ASAP1: variants seen among roughly 807,000 people sequenced by gnomAD.
The protein encoded by ASAP1 is arf-GAP with SH3 domain, ANK repeat and PH domain-containing protein 1.
ASAP1 carries 43 observed loss-of-function variants against 145.2 expected under a neutral mutation model. The ratio of observed to expected loss-of-function variants is 0.30; its 90% CI spans 0.23 to 0.38. The LOEUF (loss-of-function observed/expected upper bound fraction) is 0.38. Ranked by LOEUF, ASAP1 falls within the 10% of genes least tolerant of loss-of-function variation. The pLI, the probability that ASAP1 is intolerant of heterozygous loss-of-function variation, is 1.00. For synonymous variants in ASAP1, 546 were observed against 515.5 expected (o/e 1.06, Z -0.80); for missense variants, 1,018 against 1,355.3 (o/e 0.75, Z 3.91).
In ASAP1 at chr8:130,101,732, ATTTT is replaced by A. The variant is rs59778799; in HGVS notation, c.2402-9593_2402-9590del. The stretch of plus-strand genomic sequence containing the variant: ...AGGCATGTGCTACCACACCTGGTTA[ATTTT>A]TTTTTTTTTTTTTTTTGCAGAGATA... On this transcript the variant is annotated intron_variant, in intron 24 of 29. Transcript: ENST00000518721. 1.1e-3 allele frequency among the ~76,000 whole-genome samples: 94 copies of A among 86,922 alleles called. 1 individual carries two copies. Among genetic ancestry groups the A allele is most frequent in the Middle Eastern group, 0.014 (2 of 148 alleles). The allele number at this position is 86,922 out of a possible 152,430, so 57.0% of individuals were successfully genotyped here.
intron 3 of ASAP1, among the ~76,000 whole-genome samples, chr8:130,333,819 C>T (rs1824855571): frequency 1.3e-5 from 2 of 152,168 alleles, no homozygotes; most frequent in East Asian, 1.9e-4. Flanking sequence ...TATTATGTGA[C>T]AAGCAGCATG....
At chr8:130,249,778 C>T (rs190280825) in intron 3 of ASAP1, among the ~76,000 whole-genome samples, 7 of 152,138 alleles carry the variant, frequency 4.6e-5, no homozygotes. Context: ...TGGCCCTGCA[C>T]CCCAGGGTGT....
chr8:130,158,412 G>A (rs1472419480), intron 12 of ASAP1, among the ~76,000 whole-genome samples: 1 of 152,040 alleles, frequency 6.6e-6, no homozygotes, highest in Non-Finnish European at 1.5e-5. Context: ...CTACTCAGGA[G>A]GCTGAGGTGG....
rs74945279 is a variant in ASAP1 at position 130,361,086 on chromosome 8, T to C, written c.60-2943A>G. On this transcript the variant is annotated intron_variant, in intron 2 of 29. Coordinates refer to ENST00000518721, the MANE Select transcript of ASAP1 (RefSeq NM_018482.4). ...GACTTGGATTCTTGCATTTATTTTG[T>C]TCTCCCATCTATTCCAGGTAGTCGT... 7.0e-3 allele frequency: 1,091 copies of C among 155,058 alleles called. 3 individuals are homozygous for C. Among genetic ancestry groups the C allele is most frequent in the South Asian group, 0.029 (145 of 5,074 alleles). The allele number at this position is 155,058 out of a possible 1,614,324, so 9.6% of individuals were successfully genotyped here.
intron 3 of ASAP1, among the ~76,000 whole-genome samples, chr8:130,252,182 T>G (rs1819237073): frequency 6.6e-6 from 1 of 152,116 alleles, no homozygotes; most frequent in Non-Finnish European, 1.5e-5. Context: ...TGGAACAAAT[T>G]AGAATGGACA....
intron 3 of ASAP1, among the ~76,000 whole-genome samples, chr8:130,258,098 C>T (rs952175771): frequency 6.6e-6 from 1 of 152,368 alleles, no homozygotes; most frequent in African/African-American, 2.4e-5. Flanking sequence ...CCAGCAACAA[C>T]AGTCAGTGGG....
intron 3 of ASAP1, among the ~76,000 whole-genome samples, chr8:130,323,555 G>C (rs185232774): frequency 1.3e-5 from 2 of 152,156 alleles, no homozygotes; most frequent in Non-Finnish European, 2.9e-5. Flanking sequence ...ATCTGCAGAA[G>C]AGCTGAAAGT....
At chr8:130,400,739 C>A (rs1162973737) in intron 2 of ASAP1, among the ~76,000 whole-genome samples, 1 of 146,188 alleles carries the variant, frequency 6.8e-6, no homozygotes, top group Non-Finnish European at 1.5e-5. Context: ...TGCAGTGAGC[C>A]GAGATAGCGC....
intron 26 of ASAP1, 84 bp from the exon 27 acceptor site, chr8:130,076,490 G>A: frequency 9.7e-7 from 1 of 1,027,370 alleles, no homozygotes. Flanking sequence ...TCAAATCAAA[G>A]GTATTTACAT....
At chr8:130,434,563 C>T (rs1480214171) in intron 1 of ASAP1, among the ~76,000 whole-genome samples, 7 of 152,128 alleles carry the variant, frequency 4.6e-5, no homozygotes, top group Non-Finnish European at 5.9e-5. Flanking sequence ...ATTCCAAGTC[C>T]AGTGGTTTTC....
chr8:130,356,079 TA>T (rs201992671), intron 3 of ASAP1, among the ~76,000 whole-genome samples: 8 of 148,456 alleles, frequency 5.4e-5, no homozygotes, highest in South Asian at 2.1e-4. Context: ...GTATTTCTCA[TA>T]AAAAAAAATA....
chr8:130,217,379 T>C (rs542960438), intron 4 of ASAP1, among the ~76,000 whole-genome samples: 1 of 152,266 alleles, frequency 6.6e-6, no homozygotes, highest in East Asian at 1.9e-4. Context: ...CTTCCTTTAG[T>C]TGGAAACAAT....
At chr8:130,122,214 G>C (rs2097567392) in intron 18 of ASAP1, among the ~76,000 whole-genome samples, 1 of 152,118 alleles carries the variant, frequency 6.6e-6, no homozygotes, top group Admixed American at 6.5e-5. Context: ...ATGTGTAATT[G>C]TATGACTGAC....
intron 12 of ASAP1, among the ~76,000 whole-genome samples, chr8:130,155,168 T>A (rs1239945200): frequency 6.6e-6 from 1 of 152,180 alleles, no homozygotes; most frequent in East Asian, 1.9e-4. Flanking sequence ...TAGTTTTACT[T>A]ACACATGTAT....
At chr8:130,256,189 G>A (rs754635478) in intron 3 of ASAP1, among the ~76,000 whole-genome samples, 4 of 152,120 alleles carry the variant, frequency 2.6e-5, no homozygotes, top group Non-Finnish European at 5.9e-5. Context: ...AAATCTTCCT[G>A]TTCGCAAGAG....
intron 5 of ASAP1, among the ~76,000 whole-genome samples, chr8:130,198,300 T>G (rs1486694839): frequency 6.6e-6 from 1 of 152,098 alleles, no homozygotes. Context: ...GATTTTTGTA[T>G]TTTTAGTAGA....
rs1232467383 is a variant in ASAP1, at chr8:130,443,609, G to A, written c.-177C>T. The A allele has an allele frequency of 1.3e-5, 2 of 151,270 alleles. No individual in the cohort carries two copies. The highest frequency in any genetic ancestry group is 3.0e-5 in the Non-Finnish European group (2 of 67,792). The allele number at this position is 151,270 out of a possible 1,614,324, so 9.4% of individuals were successfully genotyped here. On this transcript the variant is annotated 5_prime_UTR_variant, in exon 1 of 30. Transcript: ENST00000518721. ...TGCCCAGCGCACAGTGCTCGCCCGC[G>A]GCAGCGGCCAGGCCAGGCGAGGCGC...
At position 130,167,737 on chromosome 8, in the gene ASAP1, A is replaced by G. The variant is rs909225906; in HGVS notation, c.823-115T>C. The G allele has an allele frequency of 2.9e-5, 21 of 720,230 alleles. No individual in the cohort carries two copies. The African/African-American group carries it at 3.6e-4, about 12-fold the overall frequency. 44.6% of individuals were successfully genotyped at this position (720,230 alleles called of 1,614,324 possible). A position where few individuals can be genotyped will look rare whatever the true frequency, so the allele number is the denominator to read the frequency against. On this transcript the variant is annotated intron_variant, in intron 10 of 29. Coordinates refer to ENST00000518721, the MANE Select transcript of ASAP1 (RefSeq NM_018482.4). ...TATTATATATTTGGTTTTCTTACTAAAAGTCCTTTATACTGTCTCATTTTT... is the reference window on the plus strand; with the variant it reads ...TATTATATATTTGGTTTTCTTACTAGAAGTCCTTTATACTGTCTCATTTTT...
At chr8:130,368,921 C>G (rs1827087503) in intron 2 of ASAP1, among the ~76,000 whole-genome samples, 1 of 152,116 alleles carries the variant, frequency 6.6e-6, no homozygotes, top group Non-Finnish European at 1.5e-5. Context: ...GGGTTTCTAC[C>G]ACTAATACTA....
Sources: gnomAD v4.1 joint callset for allele counts (sites outside exome capture counted in the v4.1 genomes callset) on GRCh38, gnomAD v4.1.1 for gene constraint, MANE v1.5 for transcripts, NCBI Gene and HGNC (gene_info 2026-07-23, HGNC 2026-07-21) for gene names.